Variants in COL22A1 observed in about 807,000 individuals in gnomAD.
COL22A1 encodes the protein collagen type XXII alpha 1 chain.
In COL22A1, 221 loss-of-function variants were observed where a neutral mutation model predicts 248.9. That is an observed-to-expected ratio of 0.89 (90% CI 0.80 to 0.99). The LOEUF (loss-of-function observed/expected upper bound fraction) is 0.99. Among genes scored for constraint, COL22A1 ranks in the 50% least tolerant of loss-of-function variants. COL22A1 has a pLI of 0.00. For synonymous variants in COL22A1, 891 were observed against 793.4 expected, an observed-to-expected ratio of 1.12 and a Z score of -2.07; for missense variants, 2,240 against 2,179.0, an observed-to-expected ratio of 1.03 and a Z score of -0.56.
intron 3 of COL22A1, among the ~76,000 whole-genome samples, chr8:138,849,540 C>A (rs1252557120): frequency 6.6e-6 from 1 of 152,238 alleles, no homozygotes; most frequent in East Asian, 1.9e-4. Context: ...TTCTTGGCCA[C>A]TGCATGATGC....
intron 4 of COL22A1, among the ~76,000 whole-genome samples, chr8:138,842,703 A>C (rs529712393): frequency 4.5e-4 from 69 of 152,262 alleles, no homozygotes; most frequent in Non-Finnish European, 8.4e-4. Context: ...GCAGCAGCCC[A>C]ATAGCTCAGA....
chr8:138,671,398 T>G (rs1825012284), intron 41 of COL22A1, among the ~76,000 whole-genome samples: 1 of 152,196 alleles, frequency 6.6e-6, no homozygotes, highest in African/African-American at 2.4e-5. Flanking sequence ...CTGCATAAAA[T>G]TAATGGTAGC....
At chr8:138,686,450 G>C (rs1165042043) in intron 37 of COL22A1, among the ~76,000 whole-genome samples, 1 of 152,210 alleles carries the variant, frequency 6.6e-6, no homozygotes. Context: ...ATGGAGCAGA[G>C]GTAAGGTAAG....
chr8:138,913,306 T>C (rs1815587932), intron 1 of COL22A1, among the ~76,000 whole-genome samples: 1 of 152,144 alleles, frequency 6.6e-6, no homozygotes, highest in Non-Finnish European at 1.5e-5. Context: ...CTCTCGCATT[T>C]GACTCTCGGC....
chr8:138,850,863 G>A (rs913959814), intron 3 of COL22A1, among the ~76,000 whole-genome samples: 12 of 152,294 alleles, frequency 7.9e-5, no homozygotes, highest in African/African-American at 2.9e-4. Flanking sequence ...GATGGACAGT[G>A]GATGGGAAGT....
At chr8:138,901,004 G>A (rs376614310) in intron 1 of COL22A1, among the ~76,000 whole-genome samples, 1 of 152,204 alleles carries the variant, frequency 6.6e-6, no homozygotes, top group East Asian at 1.9e-4. Context: ...ATGAGATTTT[G>A]TTGTTTTATA....
At chr8:138,626,586 T>C (rs1448659542) in intron 50 of COL22A1, among the ~76,000 whole-genome samples, 2 of 152,210 alleles carry the variant, frequency 1.3e-5, no homozygotes, top group Non-Finnish European at 1.5e-5. Flanking sequence ...CAACTCTGTA[T>C]TTGTCCCCAG....
intron 4 of COL22A1, 24 bp from the exon 5 acceptor site, chr8:138,833,174 G>GT (rs1314501186): frequency 6.5e-7 from 1 of 1,528,824 alleles, no homozygotes; most frequent in Non-Finnish European, 9.1e-7. Context: ...AGAGCTGGGA[G>GT]TGAGTTTGGA....
intron 4 of COL22A1, among the ~76,000 whole-genome samples, chr8:138,838,324 A>T (rs1346002437): frequency 6.6e-6 from 1 of 152,054 alleles, no homozygotes; most frequent in Admixed American, 6.6e-5. Context: ...GCAGCCCCTC[A>T]CACACTCACT....
rs549014136 is a variant in COL22A1, at chr8:138,623,723, G to C, written c.3771+9C>G. On this transcript the variant is annotated intron_variant, in intron 52 of 64. Transcript: ENST00000303045. ...CATGTGATATAATAGGAAGTTTAGA[G>C]TCCTTTACCGGCTCTCCAGGGGGAC... 9.3e-6 allele frequency: 15 copies of C among 1,608,964 alleles called. 1 individual carries two copies. The South Asian group carries it at 1.6e-4, about 17-fold the overall frequency.
intron 1 of COL22A1, among the ~76,000 whole-genome samples, chr8:138,897,551 GTAATAA>G (rs33953970): frequency 6.7e-5 from 10 of 149,936 alleles, no homozygotes; most frequent in South Asian, 2.1e-4. Flanking sequence ...CTGTCTCAAA[GTAATAA>G]TAATAATAAT....
intron 7 of COL22A1, among the ~76,000 whole-genome samples, chr8:138,817,736 G>A (rs1818789724): frequency 6.6e-6 from 1 of 152,184 alleles, no homozygotes; most frequent in Admixed American, 6.5e-5. Flanking sequence ...GAAGATGGTG[G>A]TGATGATGTT....
At chr8:138,838,528 T>C (rs764473994) in intron 4 of COL22A1, among the ~76,000 whole-genome samples, 2 of 152,220 alleles carry the variant, frequency 1.3e-5, no homozygotes, top group African/African-American at 2.4e-5. Flanking sequence ...AGAGAATATA[T>C]GAAATAGACT....
chr8:138,907,377 G>A (rs1815109225), intron 1 of COL22A1, among the ~76,000 whole-genome samples: 1 of 152,188 alleles, frequency 6.6e-6, no homozygotes, highest in Non-Finnish European at 1.5e-5. Context: ...TTATTGGTAG[G>A]AGAATTCAGC....
intron 10 of COL22A1, among the ~76,000 whole-genome samples, chr8:138,804,493 T>G (rs1817291167): frequency 6.6e-6 from 1 of 152,146 alleles, no homozygotes. Flanking sequence ...CACAAATGTC[T>G]TCTACTGAGA....
intron 1 of COL22A1, among the ~76,000 whole-genome samples, chr8:138,905,627 T>G (rs1343775834): frequency 6.6e-6 from 1 of 152,130 alleles, no homozygotes; most frequent in Non-Finnish European, 1.5e-5. Flanking sequence ...GTGAGGCCCC[T>G]CCCTCTGTGC....
chr8:138,589,775 G>T (rs188281346), intron 64 of COL22A1, among the ~76,000 whole-genome samples: 5 of 152,270 alleles, frequency 3.3e-5, no homozygotes, highest in Admixed American at 3.3e-4. Context: ...GGCCTTCTGG[G>T]TTCTTACATG....
At chr8:138,767,279 A>G (rs1833982908) in intron 16 of COL22A1, among the ~76,000 whole-genome samples, 1 of 152,148 alleles carries the variant, frequency 6.6e-6, no homozygotes, top group African/African-American at 2.4e-5. Context: ...GGAAAGAAAG[A>G]CAAAGAAATC....
chr8:138,594,854 G>A (rs886308032), intron 62 of COL22A1, among the ~76,000 whole-genome samples: 3 of 152,158 alleles, frequency 2.0e-5, no homozygotes, highest in African/African-American at 4.8e-5. Context: ...CCTCTCCGAT[G>A]TCAAAGTCCT....
Sources: allele counts gnomAD v4.1 joint callset (sites outside exome capture counted in the v4.1 genomes callset), GRCh38; gene constraint gnomAD v4.1.1; transcripts MANE v1.5; gene names NCBI Gene and HGNC (gene_info 2026-07-23, HGNC 2026-07-21).